CELF3: variants seen among roughly 807,000 people sequenced by gnomAD.
The protein encoded by CELF3 is CAG repeat domain.
In CELF3, 26 loss-of-function variants were observed where a neutral mutation model predicts 59.6. The ratio of observed to expected loss-of-function variants is 0.44; its 90% confidence interval spans 0.32 to 0.61. The LOEUF (loss-of-function observed/expected upper bound fraction) is 0.61. Among genes scored for constraint, CELF3 ranks in the 20% least tolerant of loss-of-function variants. The probability of loss-of-function intolerance (pLI) is 0.06; values close to 1 mark genes in which losing one functional copy is unlikely to be tolerated. For missense variants in CELF3, 387 were observed against 627.2 expected (o/e 0.62, Z 4.09); for synonymous variants, 245 against 250.7 (o/e 0.98, Z 0.22).
chr1:151,711,919 C>T (rs1192441761), intron 2 of CELF3: 1 of 152,256 alleles, frequency 6.6e-6, no homozygotes, highest in African/African-American at 2.4e-5. Context: ...AATAGCATCT[C>T]GAGAAATACC....
chr1:151,709,035 G>T lies in CELF3; in HGVS notation c.449C>A (p.Ala150Glu). 5.0e-6 allele frequency: 8 copies of T among 1,614,008 alleles called. No homozygotes were observed. Among genetic ancestry groups the T allele is most frequent in the Non-Finnish European group, 5.9e-6 (7 of 1,179,968 alleles). Residue 150 changes from alanine (A) to glutamate (E), a missense_variant, in exon 5 of 13, where the codon GCG becomes GAG. Transcript: ENST00000290583. The surrounding 1 kb of genome is among the most constrained non-coding windows in gnomAD (Gnocchi z 4.9). Reference protein sequence around the residue: ...VKFQTHAEAQAAINTLHSSRT... With the variant: ...VKFQTHAEAQEAINTLHSSRT... Reference sequence around the variant, plus strand: ...GCTGCTGTGAAGGGTGTTGATGGCCGCCTGGGCCTCAGCGTGGGTCTGGAA... The same window carrying T: ...GCTGCTGTGAAGGGTGTTGATGGCCTCCTGGGCCTCAGCGTGGGTCTGGAA...
intron 12 of CELF3, among the ~76,000 whole-genome samples, chr1:151,704,754 T>A (rs1172706930): frequency 6.6e-6 from 1 of 151,714 alleles, no homozygotes; most frequent in African/African-American, 2.4e-5. Context: ...TTGTGGAAGG[T>A]CCAGGGAGTG....
chr1:151,710,282 CT>C (rs934440120), intron 2 of CELF3: 2 of 259,556 alleles, frequency 7.7e-6, no homozygotes, highest in African/African-American at 2.2e-5. Context: ...TTCTGCCCCC[CT>C]ATACCCCTTG....
chr1:151,714,802 G>A, intron 1 of CELF3, 126 bp from the exon 2 acceptor site: 1 of 706,744 alleles, frequency 1.4e-6, no homozygotes. Flanking sequence ...CTGCCTGCTG[G>A]GGTAGAGAGG....
rs765950905 is a variant in CELF3, at chr1:151,707,593, A to G, written c.686T>C (p.Met229Thr). 3.1e-6 allele frequency: 5 copies of G among 1,608,908 alleles called. No homozygotes were observed. The highest frequency in any genetic ancestry group is 1.3e-5 in the African/African-American group (1 of 74,888). ...VAAHSAYLSP[M>T]ATMAAVQMQH... Reference sequence around the variant, plus strand: ...CATCTGCACGGCAGCCATGGTGGCCATGGGGCTGAGGTAGGCACTGTGAGC... The same window carrying G: ...CATCTGCACGGCAGCCATGGTGGCCGTGGGGCTGAGGTAGGCACTGTGAGC... Residue 229 changes from methionine (M) to threonine (T), a missense_variant, in exon 7 of 13, where the codon ATG (methionine) becomes ACG (threonine). Around this residue, in one of 3 missense-constraint regions of CELF3, gnomAD observed 208 missense variants for 354.8 expected, o/e 0.59. Transcript: ENST00000290583.
At position 151,705,210 on chromosome 1, in the gene CELF3, G is replaced by A. The variant is rs376141589; in HGVS notation, c.1271-42C>T. 1.3e-5 allele frequency: 20 copies of A among 1,583,104 alleles called. No homozygotes were observed. Among genetic ancestry groups the A allele is most frequent in the East Asian group, 2.3e-5 (1 of 44,442 alleles). On this transcript the variant is annotated intron_variant, in intron 11 of 12. Coordinates refer to ENST00000290583, the MANE Select transcript of CELF3 (RefSeq NM_007185.7). The surrounding 1 kb of genome is among the most constrained non-coding windows in gnomAD (Gnocchi z 5.1). ...ATAAGGCCCGGCCCAGCCCCACCTC[G>A]CTCTTCCGTGCTTAGGAGACCTCTG...
intron 9 of CELF3, 47 bp from the exon 10 acceptor site, chr1:151,706,408 T>G (rs1478310663): frequency 6.7e-7 from 1 of 1,501,634 alleles, no homozygotes; most frequent in Non-Finnish European, 9.0e-7. Flanking sequence ...CCTGACTTCT[T>G]GAGCCCTCCC....
rs1672706549 is a variant in CELF3 at position 151,707,886 on chromosome 1, C to CG, written c.535dup (p.Arg179ProfsTer118). On this transcript the variant is annotated frameshift_variant, in exon 6 of 13. Coordinates refer to ENST00000290583, the MANE Select transcript of CELF3 (RefSeq NM_007185.7). LOFTEE classifies it high-confidence loss of function. ...CACCTGCTGCATGCGGCGGAGACCT[C>CG]GCTCCTTCTCAGTGTCAGCAAACTT... 1 of 1,613,728 alleles carries CG rather than the reference C, an allele frequency of 6.2e-7. No individual in the cohort carries two copies. The highest frequency in any genetic ancestry group is 8.5e-7 in the Non-Finnish European group (1 of 1,179,822).
At position 151,706,653 on chromosome 1, in the gene CELF3, G is replaced by A; in HGVS notation, c.988+16C>T. The A allele has an allele frequency of 6.4e-7, 1 of 1,550,926 alleles. No homozygotes were observed. The highest frequency in any genetic ancestry group is 1.4e-5 in the African/African-American group (1 of 73,168). Reference sequence around the variant, plus strand: ...CCTCTCCCACCTGAGCAGGGGCCCTGGCTAGGGCGCCTCACCTGTGTAGTG... The same window carrying A: ...CCTCTCCCACCTGAGCAGGGGCCCTAGCTAGGGCGCCTCACCTGTGTAGTG... On this transcript the variant is annotated intron_variant, in intron 9 of 12. Transcript: ENST00000290583.
chr1:151,708,592 G>C (rs952953133), intron 5 of CELF3, among the ~76,000 whole-genome samples: 31 of 152,166 alleles, frequency 2.0e-4, no homozygotes, highest in Admixed American at 1.0e-3. Context: ...TTAGAGGTGG[G>C]CTCTAGACTG....
At position 151,705,146 on chromosome 1, in the gene CELF3, C is replaced by G; in HGVS notation, c.1293G>C (p.Pro431=). Residue 431 remains proline (P), a synonymous_variant, in exon 12 of 13, where the codon CCG becomes CCC. Transcript: ENST00000290583. The surrounding 1 kb of genome is among the most constrained non-coding windows in gnomAD (Gnocchi z 5.1). ...CCTGGATGGCAGCCTGGGCACTGGC[C>G]GGATTGTCGAAACTCACAAAGCCTG... ...KCFGFVSFDN[P]ASAQAAIQAM... is the part of the protein sequence containing the mutation. 6.2e-7 allele frequency: 1 copy of G among 1,613,524 alleles called. No individual in the cohort carries two copies. Among genetic ancestry groups the G allele is most frequent in the Non-Finnish European group, 8.5e-7 (1 of 1,179,550 alleles).
Position 151,700,299 on chromosome 1 carries a change from A to G in CELF3, c.*3160T>C, listed in dbSNP as rs900276576. Among the ~76,000 whole-genome samples the G allele has an allele frequency of 2.0e-5, 3 of 152,240 alleles. No individual in the cohort carries two copies. Among genetic ancestry groups the G allele is most frequent in the African/African-American group, 7.2e-5 (3 of 41,464 alleles). ...GTGGATGAGGGCCGTTAAGATTTTCATGAAGAAAGTAGTGTTTAAGGTGAA... is the reference window on the plus strand; with the variant it reads ...GTGGATGAGGGCCGTTAAGATTTTCGTGAAGAAAGTAGTGTTTAAGGTGAA... On this transcript the variant is annotated 3_prime_UTR_variant, in exon 13 of 13. Transcript: ENST00000290583.
In CELF3 at chr1:151,709,836, C is replaced by T. The variant is rs1466291719; in HGVS notation, c.229-45G>A. On this transcript the variant is annotated intron_variant, in intron 2 of 12. Coordinates refer to ENST00000290583, the MANE Select transcript of CELF3 (RefSeq NM_007185.7). The surrounding 1 kb of genome is among the most constrained non-coding windows in gnomAD (Gnocchi z 4.9). ...GCAGCTGCTGGGGACCTCCTCTGAA[C>T]ACCCAAGAGCCCTCCCAGGCCAGGC... 6.3e-6 allele frequency: 10 copies of T among 1,591,238 alleles called. No individual in the cohort carries two copies. In the African/African-American group the frequency reaches 1.1e-4, roughly 17 times the overall value.
At chr1:151,708,904 T>A in intron 5 of CELF3, 94 bp downstream of exon 5, 1 of 1,111,086 alleles carries the variant, frequency 9.0e-7, no homozygotes, top group South Asian at 1.4e-5. Context: ...TAAATTCAAA[T>A]AGCCCATCCT....
In CELF3 at chr1:151,716,137, C is replaced by T. The variant is rs1673463110; in HGVS notation, c.-117G>A. The T allele has an allele frequency of 4.7e-6, 5 of 1,070,900 alleles. No individual in the cohort carries two copies. The South Asian group carries it at 6.7e-5, about 14-fold the overall frequency. The allele number at this position is 1,070,900 out of a possible 1,614,324, so 66.3% of individuals were successfully genotyped here. ...GGGGGCCCAGCTGGGGCTGGCTTTC[C>T]CTTTGGCCCCCAACCACGCTGCTAA... On this transcript the variant is annotated 5_prime_UTR_variant, in exon 1 of 13. Transcript: ENST00000290583.
intron 2 of CELF3, chr1:151,710,356 G>A (rs1426238652): frequency 1.4e-5 from 4 of 284,206 alleles, no homozygotes; most frequent in African/African-American, 2.2e-5. Flanking sequence ...CGTGGCAACG[G>A]GAGAATGCGC....
In CELF3 at chr1:151,716,061, G is replaced by T; in HGVS notation, c.-41C>A. 2 of 1,564,542 alleles carry T rather than the reference G, an allele frequency of 1.3e-6. No homozygotes were observed. The highest frequency in any genetic ancestry group is 1.7e-6 in the Non-Finnish European group (2 of 1,155,364). ...GGAGGGGCCGAGGGGAGCAGGGAGA[G>T]GCCCAAAGGCCAAGGGGAGCTGCCC... On this transcript the variant is annotated 5_prime_UTR_variant, in exon 1 of 13. Coordinates refer to ENST00000290583, the MANE Select transcript of CELF3 (RefSeq NM_007185.7).
Position 151,709,978 on chromosome 1 carries a change from AGAG to A in CELF3, c.229-190_229-188del. ...CTGAGGGGATCAGAGGCACAGAGAG[AGAG>A]GATGTAGAGGGAGAGGCTCATGGGC... is the stretch of plus-strand genomic sequence containing the variant. On this transcript the variant is annotated intron_variant, in intron 2 of 12. Transcript: ENST00000290583. This position sits in a 1 kb window ranked among gnomAD's most constrained non-coding sequence, Gnocchi z 4.9. The A allele has an allele frequency of 1.6e-6, 1 of 624,136 alleles. No individual in the cohort carries two copies. The highest frequency in any genetic ancestry group is 2.9e-6 in the Non-Finnish European group (1 of 346,748). The allele number at this position is 624,136 out of a possible 1,614,324, so 38.7% of individuals were successfully genotyped here. A position where few individuals can be genotyped will look rare whatever the true frequency, so the allele number is the denominator to read the frequency against.
At chr1:151,714,282 T>G (rs1248229720) in intron 2 of CELF3, 1 of 570,212 alleles carries the variant, frequency 1.8e-6, no homozygotes, top group Non-Finnish European at 3.1e-6. Flanking sequence ...GTCCAGAGAC[T>G]TTTCCCCACA....
Sources: allele counts gnomAD v4.1 joint callset (sites outside exome capture counted in the v4.1 genomes callset), GRCh38; gene constraint gnomAD v4.1.1; regional missense constraint gnomAD v4.1.1; non-coding constraint Gnocchi (gnomAD v3.1); transcripts MANE v1.5; gene names NCBI Gene and HGNC (gene_info 2026-07-23, HGNC 2026-07-21).